SCAMP1: variants seen among roughly 807,000 people sequenced by gnomAD.
SCAMP1 encodes the protein secretory carrier-associated membrane protein 1.
In SCAMP1, 15 loss-of-function variants were observed where a neutral mutation model predicts 41.8. The observed-to-expected ratio is 0.36, with a 90% CI of 0.24 to 0.55. The LOEUF (loss-of-function observed/expected upper bound fraction) is 0.55, where lower values mean the gene tolerates loss of function less well. Ranked by LOEUF, SCAMP1 falls within the 20% of genes least tolerant of loss-of-function variation. The pLI is 0.86. For missense variants in SCAMP1, 341 were observed against 412.6 expected (o/e 0.83, Z 1.50); for synonymous variants, 135 against 136.8 (o/e 0.99, Z 0.09).
At chr5:78,406,841 C>A (rs762078408) in intron 2 of SCAMP1, among the ~76,000 whole-genome samples, 5 of 152,156 alleles carry the variant, frequency 3.3e-5, no homozygotes, top group Non-Finnish European at 7.4e-5. Flanking sequence ...TACAGCCTTG[C>A]TCTGCCAGAC....
intron 6 of SCAMP1, among the ~76,000 whole-genome samples, chr5:78,439,577 G>C (rs1752863473): frequency 1.3e-5 from 2 of 152,204 alleles, no homozygotes; most frequent in South Asian, 4.1e-4. Flanking sequence ...TTTTTGCCGA[G>C]AGATCTGCTG....
chr5:78,427,110 T>G (rs1752488153), intron 6 of SCAMP1, among the ~76,000 whole-genome samples: 1 of 152,202 alleles, frequency 6.6e-6, no homozygotes, highest in Non-Finnish European at 1.5e-5. Flanking sequence ...TGGCTCGTGG[T>G]TCTGCAGAGT....
intron 1 of SCAMP1, among the ~76,000 whole-genome samples, chr5:78,367,561 A>G (rs1283485014): frequency 6.6e-6 from 1 of 152,212 alleles, no homozygotes; most frequent in East Asian, 1.9e-4. Context: ...AGCTGAATCT[A>G]CAAGGCTTCT....
At chr5:78,429,685 T>C (rs920278643) in intron 6 of SCAMP1, among the ~76,000 whole-genome samples, 4 of 152,048 alleles carry the variant, frequency 2.6e-5, no homozygotes, top group African/African-American at 4.8e-5. Context: ...CAGAGTTCAG[T>C]AGTTTCCATG....
intron 1 of SCAMP1, among the ~76,000 whole-genome samples, chr5:78,386,187 TC>T (rs1371442800): frequency 6.6e-6 from 1 of 152,140 alleles, no homozygotes; most frequent in Non-Finnish European, 1.5e-5. Context: ...GTTGGACTAT[TC>T]CTTTTATCAT....
intron 1 of SCAMP1, among the ~76,000 whole-genome samples, chr5:78,381,867 G>T (rs1198938224): frequency 6.6e-6 from 1 of 152,218 alleles, no homozygotes; most frequent in Non-Finnish European, 1.5e-5. Context: ...TAGAAGCCTT[G>T]TATCTCATTT....
intron 7 of SCAMP1, among the ~76,000 whole-genome samples, chr5:78,453,193 G>A (rs1580707829): frequency 6.6e-6 from 1 of 151,072 alleles, no homozygotes; most frequent in Admixed American, 6.6e-5. Context: ...AGTTTAATTA[G>A]ATCCCATTTG....
At chr5:78,442,440 G>A (rs570276275) in intron 6 of SCAMP1, among the ~76,000 whole-genome samples, 1 of 152,130 alleles carries the variant, frequency 6.6e-6, no homozygotes, top group African/African-American at 2.4e-5. Context: ...TGTATTTTTA[G>A]TAGAGACAGA....
At chr5:78,417,379 G>C (rs747690734) in intron 4 of SCAMP1, among the ~76,000 whole-genome samples, 1 of 152,188 alleles carries the variant, frequency 6.6e-6, no homozygotes, top group Non-Finnish European at 1.5e-5. Flanking sequence ...TTTCTTGCTT[G>C]CAGCATCAGA....
At chr5:78,371,966 CTT>C (rs1418909904) in intron 1 of SCAMP1, among the ~76,000 whole-genome samples, 1 of 152,174 alleles carries the variant, frequency 6.6e-6, no homozygotes, top group East Asian at 1.9e-4. Context: ...ATAATTATAA[CTT>C]GATTGATAGT....
At chr5:78,397,031 T>A (rs1238239522) in intron 2 of SCAMP1, among the ~76,000 whole-genome samples, 2 of 152,172 alleles carry the variant, frequency 1.3e-5, no homozygotes. Context: ...CAGAGAGTTT[T>A]TTTTAGGGAA....
chr5:78,444,871 A>C (rs1753016232), intron 6 of SCAMP1, among the ~76,000 whole-genome samples: 1 of 152,222 alleles, frequency 6.6e-6, no homozygotes, highest in Admixed American at 6.5e-5. Context: ...TTTATATAAA[A>C]GCATGTTCCA....
chr5:78,436,892 T>C (rs1270577245), intron 6 of SCAMP1, among the ~76,000 whole-genome samples: 1 of 152,216 alleles, frequency 6.6e-6, no homozygotes, highest in Non-Finnish European at 1.5e-5. Context: ...TGCCCTCTTT[T>C]ATTTCGTTGA....
At chr5:78,457,496 C>T (rs1377670205) in intron 7 of SCAMP1, among the ~76,000 whole-genome samples, 10 of 152,178 alleles carry the variant, frequency 6.6e-5, no homozygotes, top group East Asian at 3.9e-4. Flanking sequence ...TTAGGCTGCT[C>T]GGGGGTCAGG....
chr5:78,475,473 T>C, intron 8 of SCAMP1, 31 bp from the exon 9 acceptor site: 1 of 1,521,514 alleles, frequency 6.6e-7, no homozygotes, highest in East Asian at 2.4e-5. Flanking sequence ...GGTTGCTACT[T>C]ACCTTCTCCC....
At chr5:78,446,927 C>T (rs562606121) in intron 6 of SCAMP1, among the ~76,000 whole-genome samples, 1 of 152,312 alleles carries the variant, frequency 6.6e-6, no homozygotes, top group South Asian at 2.1e-4. Flanking sequence ...GGGCTGTGGG[C>T]TTGTACTGGC....
rs1753199601 is a variant in SCAMP1, at chr5:78,450,579, C to G, written c.734+545C>G. Among the ~76,000 whole-genome samples the G allele has an allele frequency of 2.0e-5, 3 of 152,168 alleles. No individual in the cohort carries two copies. In the South Asian group the frequency reaches 6.2e-4, roughly 32 times the overall value. ...CTCAGAAATGGAGACTATCTGGACCCAGGCTAGGAGGTAATAGCAGATTTA... is the reference window on the plus strand; with the variant it reads ...CTCAGAAATGGAGACTATCTGGACCGAGGCTAGGAGGTAATAGCAGATTTA... On this transcript the variant is annotated intron_variant, in intron 7 of 8. Transcript: ENST00000621999.
intron 6 of SCAMP1, among the ~76,000 whole-genome samples, chr5:78,442,900 C>G (rs184248035): frequency 1.4e-4 from 22 of 152,190 alleles, no homozygotes; most frequent in African/African-American, 5.3e-4. Flanking sequence ...GTAGTTTTAT[C>G]ACTTGGTTAA....
chr5:78,451,690 C>T (rs905949148), intron 7 of SCAMP1, among the ~76,000 whole-genome samples: 5 of 152,202 alleles, frequency 3.3e-5, no homozygotes, highest in Admixed American at 2.6e-4. Flanking sequence ...CAGAGTCTCG[C>T]CCTATCACCC....
Sources: allele counts gnomAD v4.1 joint callset (sites outside exome capture counted in the v4.1 genomes callset), GRCh38; gene constraint gnomAD v4.1.1; transcripts MANE v1.5; gene names NCBI Gene and HGNC (gene_info 2026-07-23, HGNC 2026-07-21).